The following RABGAP1 variants were observed in gnomAD, a reference collection of about 807,000 sequenced individuals.
The protein encoded by RABGAP1 is RAB GTPase activating protein 1.
RABGAP1 carries 23 observed loss-of-function variants against 137.6 expected under a neutral mutation model. The ratio of observed to expected loss-of-function variants is 0.17; its 90% CI spans 0.12 to 0.24. The LOEUF is 0.24. RABGAP1 is among the 10% of genes least tolerant of loss of function. The probability of loss-of-function intolerance (pLI) is 1.00; values close to 1 mark genes in which losing one functional copy is unlikely to be tolerated. For synonymous variants in RABGAP1, 451 were observed against 450.7 expected, an observed-to-expected ratio of 1.00 and a Z score of -0.01; for missense variants, 906 against 1,275.8, an observed-to-expected ratio of 0.71 and a Z score of 4.42.
At chr9:123,066,573 C>A (rs1038598524) in intron 14 of RABGAP1, among the ~76,000 whole-genome samples, 1 of 152,158 alleles carries the variant, frequency 6.6e-6, no homozygotes, top group Non-Finnish European at 1.5e-5. Context: ...TCACTGACTT[C>A]ATCATTTTAT....
At chr9:122,970,572 C>T (rs1480265712) in intron 2 of RABGAP1, among the ~76,000 whole-genome samples, 1 of 152,070 alleles carries the variant, frequency 6.6e-6, no homozygotes, top group Non-Finnish European at 1.5e-5. Flanking sequence ...AGCACAGTAC[C>T]CAATAGATAG....
chr9:123,008,772 ACT>A (rs1158928195), intron 10 of RABGAP1, among the ~76,000 whole-genome samples: 1 of 151,962 alleles, frequency 6.6e-6, no homozygotes, highest in Non-Finnish European at 1.5e-5. Context: ...AGGTAGCAAA[ACT>A]CTGAGTACTT....
chr9:123,099,382 G>A, intron 23 of RABGAP1, 96 bp from the exon 24 acceptor site: 3 of 1,202,402 alleles, frequency 2.5e-6, no homozygotes, highest in Non-Finnish European at 3.7e-6. Context: ...TTGCTACTAT[G>A]TTAATTCCAA....
intron 13 of RABGAP1, chr9:123,034,331 G>A (rs570338392): frequency 6.3e-5 from 34 of 535,792 alleles, no homozygotes; most frequent in African/African-American, 3.2e-4. Flanking sequence ...CACTATGGCC[G>A]CGTCTGGGAC....
At chr9:122,984,960 T>C (rs182296275) in intron 3 of RABGAP1, among the ~76,000 whole-genome samples, 3 of 148,538 alleles carry the variant, frequency 2.0e-5, no homozygotes, top group African/African-American at 7.4e-5. Context: ...AAAACATGGC[T>C]AAAGGACACA....
chr9:122,952,748 A>G (rs925921705), intron 1 of RABGAP1, among the ~76,000 whole-genome samples: 7 of 152,134 alleles, frequency 4.6e-5, no homozygotes, highest in Non-Finnish European at 7.4e-5. Flanking sequence ...AAGTAAAAGC[A>G]TCCTTGAACT....
At chr9:122,972,978 T>TGAA (rs11396562) in intron 2 of RABGAP1, among the ~76,000 whole-genome samples, 1 of 145,110 alleles carries the variant, frequency 6.9e-6, no homozygotes, top group Non-Finnish European at 1.5e-5. Flanking sequence ...CTTTATATAT[T>TGAA]AAAAAAAAAA....
rs1369090525 is a variant in RABGAP1, at chr9:123,104,006, T to TATATATATAA, written c.*800_*801insTAAATATATA. 6.6e-6 allele frequency: 1 copy of TATATATATAA among 151,362 alleles called. No individual in the cohort carries two copies. The highest frequency in any genetic ancestry group is 1.5e-5 in the Non-Finnish European group (1 of 67,722). The allele number at this position is 151,362 out of a possible 1,614,324, so 9.4% of individuals were successfully genotyped here. ...GTGTGTGTGTGTGTGTATGTATATA[T>TATATATATAA]ATATATAAATATCTTTCCCAATATG... On this transcript the variant is annotated 3_prime_UTR_variant, in exon 26 of 26. Transcript: ENST00000373647.
intron 13 of RABGAP1, among the ~76,000 whole-genome samples, chr9:123,055,546 C>CTTTTTTT (rs930532167): frequency 4.9e-5 from 6 of 121,974 alleles, no homozygotes; most frequent in African/African-American, 1.3e-4. Context: ...ATTTCTTCTT[C>CTTTTTTT]TTTTTTTTTT....
intron 14 of RABGAP1, among the ~76,000 whole-genome samples, chr9:123,066,972 T>G (rs1246863093): frequency 6.6e-6 from 1 of 152,338 alleles, no homozygotes; most frequent in Non-Finnish European, 1.5e-5. Context: ...TCCTTTTTTC[T>G]AAAGTACTTT....
At chr9:123,099,885 A>G (rs994546200) in intron 24 of RABGAP1, among the ~76,000 whole-genome samples, 1 of 152,238 alleles carries the variant, frequency 6.6e-6, no homozygotes, top group Non-Finnish European at 1.5e-5. Flanking sequence ...GTGGGAGTGC[A>G]GAGGTCAGAA....
chr9:122,944,757 A>G (rs1157730313), intron 1 of RABGAP1, among the ~76,000 whole-genome samples: 4 of 150,394 alleles, frequency 2.7e-5, no homozygotes, highest in South Asian at 2.1e-4. Context: ...TTTTATTTTT[A>G]GTAGAGACGG....
chr9:122,982,064 A>T lies in RABGAP1; in HGVS notation c.151-2421A>T, dbSNP rs1030868592. On this transcript the variant is annotated intron_variant, in intron 2 of 25. Transcript: ENST00000373647. ...ACTCTGTCTCAAAAAAAAAAAAAAA[A>T]AGTATGTGTACTATACTGTCACAGG... Among the ~76,000 whole-genome samples, 17 of 152,186 alleles carry T rather than the reference A, an allele frequency of 1.1e-4. No homozygotes were observed. In the South Asian group the frequency reaches 2.9e-3, roughly 26 times the overall value.
At chr9:122,942,488 G>A (rs1335545901) in intron 1 of RABGAP1, among the ~76,000 whole-genome samples, 1 of 152,014 alleles carries the variant, frequency 6.6e-6, no homozygotes, top group Non-Finnish European at 1.5e-5. Context: ...TGTCCAATAT[G>A]GTGAAACCAG....
intron 19 of RABGAP1, among the ~76,000 whole-genome samples, chr9:123,087,870 C>T (rs912496933): frequency 6.6e-6 from 1 of 152,094 alleles, no homozygotes; most frequent in African/African-American, 2.4e-5. Flanking sequence ...GTGGGCCTAT[C>T]CTGTTCCCTT....
chr9:122,981,147 C>G (rs1836031684), intron 2 of RABGAP1, among the ~76,000 whole-genome samples: 1 of 151,964 alleles, frequency 6.6e-6, no homozygotes, highest in Non-Finnish European at 1.5e-5. Flanking sequence ...AAGCAATTCT[C>G]CTGTGTAGTT....
chr9:123,038,149 A>G (rs1233509469), intron 13 of RABGAP1, among the ~76,000 whole-genome samples: 1 of 152,134 alleles, frequency 6.6e-6, no homozygotes, highest in Non-Finnish European at 1.5e-5. Context: ...GCAATTACAA[A>G]TGGACTAGTG....
chr9:122,947,157 TC>T (rs1290477025), intron 1 of RABGAP1, among the ~76,000 whole-genome samples: 8 of 152,196 alleles, frequency 5.3e-5, no homozygotes, highest in Admixed American at 2.0e-4. Context: ...GAAATATTAT[TC>T]AGCCTTAGGG....
chr9:123,029,679 T>G, intron 13 of RABGAP1: 2 of 684,588 alleles, frequency 2.9e-6, no homozygotes, highest in Non-Finnish European at 2.8e-6. Context: ...TGCCCCCGGG[T>G]TTGTTCACTG....
Sources: gnomAD v4.1 joint callset for allele counts (sites outside exome capture counted in the v4.1 genomes callset) on GRCh38, gnomAD v4.1.1 for gene constraint, MANE v1.5 for transcripts, NCBI Gene and HGNC (gene_info 2026-07-23, HGNC 2026-07-21) for gene names.